The following IGSF10 variants were observed in gnomAD, a reference collection of about 807,000 sequenced individuals.
The protein encoded by IGSF10 is calvaria mechanical force protein 608.
IGSF10 carries 126 observed loss-of-function variants against 128.2 expected under a neutral mutation model. That is an observed-to-expected ratio of 0.98 (90% CI 0.85 to 1.14). The LOEUF is 1.14. Ranked by LOEUF, IGSF10 falls within the 50% of genes most tolerant of loss-of-function variation. IGSF10 has a pLI of 0.00. For missense variants in IGSF10, 3,295 were observed against 3,149.8 expected (o/e 1.05, Z -1.10); for synonymous variants, 1,185 against 1,146.2 (o/e 1.03, Z -0.68).
chr3:151,464,916 T>G (rs1722228463), upstream of IGSF10, among the ~76,000 whole-genome samples: 1 of 152,226 alleles, frequency 6.6e-6, no homozygotes, highest in Non-Finnish European at 1.5e-5. Context: ...CTACATGACT[T>G]GAAGACTTTA....
the IGSF10 span, among the ~76,000 whole-genome samples, chr3:151,555,259 A>G: frequency 4.6e-5 from 7 of 152,134 alleles, no homozygotes; most frequent in African/African-American, 1.7e-4. Context: ...ACAAAATATT[A>G]AAATGGTCAA....
At chr3:151,518,476 G>A in the IGSF10 span, among the ~76,000 whole-genome samples, 5 of 151,952 alleles carry the variant, frequency 3.3e-5, no homozygotes, top group Admixed American at 1.3e-4. Context: ...AAACAATTAG[G>A]TTAGGAAGAA....
chr3:151,502,330 T>G, the IGSF10 span, among the ~76,000 whole-genome samples: 2 of 152,060 alleles, frequency 1.3e-5, no homozygotes, highest in Non-Finnish European at 2.9e-5. Flanking sequence ...GTAAAAATCT[T>G]AATGTTCTGG....
the IGSF10 span, among the ~76,000 whole-genome samples, chr3:151,574,036 A>G: frequency 7.9e-5 from 12 of 152,168 alleles, no homozygotes; most frequent in Non-Finnish European, 1.5e-4. Context: ...AGAATGTTGA[A>G]TATTGGCTCC....
rs941602293 is a variant in IGSF10, at chr3:151,461,047, T to TGGGA, written c.-194_-191dup. The TGGGA allele has an allele frequency of 1.2e-5, 12 of 985,110 alleles. No individual in the cohort carries two copies. The highest frequency in any genetic ancestry group is 1.1e-4 in the East Asian group (1 of 8,800). The allele number at this position is 985,110 out of a possible 1,614,324, so 61.0% of individuals were successfully genotyped here. A position where few individuals can be genotyped will look rare whatever the true frequency, so the allele number is the denominator to read the frequency against. Reference sequence around the variant, plus strand: ...GTCGTGCGGAGCTGGTCCGGAGCTCTGGGAGGGAAGGAAGGAAGGCGGAGC... The same window carrying TGGGA: ...GTCGTGCGGAGCTGGTCCGGAGCTCTGGGAGGGAGGGAAGGAAGGAAGGCGGAGC... On this transcript the variant is annotated 5_prime_UTR_variant, in exon 1 of 8. Coordinates refer to ENST00000282466, the MANE Select transcript of IGSF10 (RefSeq NM_178822.5).
At chr3:151,563,120 A>T in the IGSF10 span, among the ~76,000 whole-genome samples, 7 of 151,556 alleles carry the variant, frequency 4.6e-5, no homozygotes, top group Non-Finnish European at 8.8e-5. Flanking sequence ...TTTTTCTTAG[A>T]CGGTAGGTCA....
At chr3:151,536,148 G>T in the IGSF10 span, among the ~76,000 whole-genome samples, 1 of 152,166 alleles carries the variant, frequency 6.6e-6, no homozygotes, top group African/African-American at 2.4e-5. Flanking sequence ...ATGCCATGAA[G>T]TCTAGCATTG....
chr3:151,447,151 A>G lies in IGSF10; in HGVS notation c.2830T>C (p.Leu944=). The G allele has an allele frequency of 6.2e-7, 1 of 1,614,188 alleles. No homozygotes were observed. Among genetic ancestry groups the G allele is most frequent in the Non-Finnish European group, 8.5e-7 (1 of 1,180,022 alleles). Residue 944 remains leucine, a synonymous_variant, in exon 6 of 8, where the codon TTA becomes CTA. Transcript: ENST00000282466. The stretch of plus-strand genomic sequence containing the variant: ...TTTGTGGTATTTACTGACTCTAATA[A>G]TAGTTTGTTGGTGGTGCTACTAAGC... ...KMLSSTTNKL[L]LESVNTTNSH...
At chr3:151,533,446 C>A in the IGSF10 span, among the ~76,000 whole-genome samples, 2 of 152,212 alleles carry the variant, frequency 1.3e-5, no homozygotes, top group Non-Finnish European at 2.9e-5. Flanking sequence ...GTACTGGTAC[C>A]AAAACAGATA....
At chr3:151,488,548 G>C in the IGSF10 span, among the ~76,000 whole-genome samples, 1 of 152,170 alleles carries the variant, frequency 6.6e-6, no homozygotes, top group Non-Finnish European at 1.5e-5. Context: ...AAAGCTGGAG[G>C]CATCATGCTA....
chr3:151,518,500 C>T, the IGSF10 span, among the ~76,000 whole-genome samples: 1 of 151,940 alleles, frequency 6.6e-6, no homozygotes, highest in Non-Finnish European at 1.5e-5. Flanking sequence ...GTTTAAAATA[C>T]CATTTTCTAA....
At chr3:151,486,870 C>T in the IGSF10 span, among the ~76,000 whole-genome samples, 1 of 152,148 alleles carries the variant, frequency 6.6e-6, no homozygotes, top group Non-Finnish European at 1.5e-5. Context: ...TAAATGCCCA[C>T]AAGCGAAAGC....
chr3:151,434,655 A>AAATC, downstream of IGSF10: 2 of 152,348 alleles, frequency 1.3e-5, no homozygotes, highest in East Asian at 3.9e-4. Flanking sequence ...CTGCATTGGC[A>AAATC]AATCAACCGA....
At chr3:151,508,325 G>A in the IGSF10 span, among the ~76,000 whole-genome samples, 35 of 152,206 alleles carry the variant, frequency 2.3e-4, no homozygotes, top group East Asian at 4.0e-3. Context: ...ATTAAAATTA[G>A]TTTTAGTATT....
At chr3:151,463,552 T>G (rs1214564261), upstream of IGSF10, among the ~76,000 whole-genome samples, 3 of 111,392 alleles carry the variant, frequency 2.7e-5, no homozygotes, top group East Asian at 3.4e-4. Context: ...TTTTTTTTTT[T>G]TTTTTTTTTC....
At chr3:151,533,530 C>A in the IGSF10 span, among the ~76,000 whole-genome samples, 1 of 152,078 alleles carries the variant, frequency 6.6e-6, no homozygotes, top group Non-Finnish European at 1.5e-5. Flanking sequence ...CTTTGACAAA[C>A]CTGATAAAAA....
the IGSF10 span, among the ~76,000 whole-genome samples, chr3:151,508,445 GA>G: frequency 3.9e-5 from 6 of 152,072 alleles, no homozygotes; most frequent in Admixed American, 6.5e-5. Flanking sequence ...CCGCAAAAAG[GA>G]AAAAAAGTGT....
chr3:151,440,485 C>G (rs1045238905), intron 7 of IGSF10: 2 of 450,522 alleles, frequency 4.4e-6, no homozygotes, highest in African/African-American at 4.0e-5. Flanking sequence ...AGGGAAACTG[C>G]CAGGTGCTTT....
At position 151,436,689 on chromosome 3, in the gene IGSF10, T is replaced by G; in HGVS notation, c.7872A>C (p.Ter2624CysextTer50). ...DYAATYIQVI[*>C] is the part of the protein sequence containing the mutation. ...ATGTTGTTGACTTTATTATTTCATGTCAGATTACTTGAATATACGTTGCTG... is the reference window on the plus strand; with the variant it reads ...ATGTTGTTGACTTTATTATTTCATGGCAGATTACTTGAATATACGTTGCTG... Residue 2624 changes from the stop codon to cysteine, a stop_lost, in exon 8 of 8, where the codon TGA (stop) becomes TGC (cysteine). Coordinates refer to ENST00000282466, the MANE Select transcript of IGSF10 (RefSeq NM_178822.5). 6.3e-7 allele frequency: 1 copy of G among 1,576,780 alleles called. No individual in the cohort carries two copies. The highest frequency in any genetic ancestry group is 8.6e-7 in the Non-Finnish European group (1 of 1,161,104).
Sources: allele counts gnomAD v4.1 joint callset (sites outside exome capture counted in the v4.1 genomes callset), GRCh38; gene constraint gnomAD v4.1.1; transcripts MANE v1.5; gene names NCBI Gene and HGNC (gene_info 2026-07-23, HGNC 2026-07-21).